FHIP1A: variants seen among roughly 807,000 people sequenced by gnomAD.
FHIP1A encodes the protein FHF complex subunit HOOK interacting protein 1A, also known as FHF complex subunit HOOK-interacting protein 1A.
Under a neutral mutation model 88.6 loss-of-function variants are expected in FHIP1A, and 61 were observed. The ratio of observed to expected loss-of-function variants is 0.69; its 90% CI spans 0.56 to 0.85. FHIP1A has a LOEUF of 0.85. Ranked by LOEUF, FHIP1A falls within the 40% of genes least tolerant of loss-of-function variation. FHIP1A has a pLI of 0.00. For missense variants in FHIP1A, 1,154 were observed against 1,273.5 expected (o/e 0.91, Z 1.43); for synonymous variants, 478 against 496.0 (o/e 0.96, Z 0.48).
chr4:151,450,850 T>A (rs545821643), intron 1 of FHIP1A, among the ~76,000 whole-genome samples: 1 of 152,068 alleles, frequency 6.6e-6, no homozygotes, highest in African/African-American at 2.4e-5. Context: ...TAATCTCAGC[T>A]CACTGCAACT....
chr4:151,515,803 T>TA (rs1285535110), intron 3 of FHIP1A, among the ~76,000 whole-genome samples: 2 of 151,778 alleles, frequency 1.3e-5, no homozygotes, highest in African/African-American at 2.4e-5. Context: ...TAAAAGAGGA[T>TA]ACAAACAAAT....
chr4:151,591,140 A>T lies in FHIP1A; in HGVS notation c.978+2214A>T, dbSNP rs527830265. On this transcript the variant is annotated intron_variant, in intron 7 of 13. Transcript: ENST00000435205. ...GGATGAATAGGGTTAGGGACGGAGC[A>T]GGCCAGGGAAGGAGAACAGCCTCTC... Among the ~76,000 whole-genome samples, 5 of 151,218 alleles carry T rather than the reference A, an allele frequency of 3.3e-5. No homozygotes were observed. In the South Asian group the frequency reaches 8.4e-4, roughly 25 times the overall value.
At position 151,664,503 on chromosome 4, in the gene FHIP1A, T is replaced by C. The variant is rs1737590878; in HGVS notation, c.*1749T>C. On this transcript the variant is annotated 3_prime_UTR_variant, in exon 14 of 14. Coordinates refer to ENST00000435205, the MANE Select transcript of FHIP1A (RefSeq NM_001109977.3). ...CAAGACACCAAAGATTCCTACTCAC[T>C]GTACATTTCTGTTTGTCTTGACAAA... Among the ~76,000 whole-genome samples the C allele has an allele frequency of 6.6e-6, 1 of 152,222 alleles. No homozygotes were observed. The highest frequency in any genetic ancestry group is 1.5e-5 in the Non-Finnish European group (1 of 68,034).
chr4:151,598,241 G>A (rs556488098), intron 7 of FHIP1A, among the ~76,000 whole-genome samples: 1 of 152,146 alleles, frequency 6.6e-6, no homozygotes, highest in Non-Finnish European at 1.5e-5. Flanking sequence ...GGAATGCACT[G>A]TTCCTCACGG....
At chr4:151,636,357 A>G (rs146425354) in intron 8 of FHIP1A, among the ~76,000 whole-genome samples, 1 of 152,126 alleles carries the variant, frequency 6.6e-6, no homozygotes, top group East Asian at 1.9e-4. Flanking sequence ...GATAAGGAAG[A>G]AGGTAAGATA....
At chr4:151,592,151 T>C (rs1276257836) in intron 7 of FHIP1A, among the ~76,000 whole-genome samples, 3 of 152,172 alleles carry the variant, frequency 2.0e-5, no homozygotes, top group African/African-American at 7.2e-5. Context: ...TTTTTTTTTT[T>C]TGAGACGGAG....
chr4:151,579,090 T>A (rs779160587), intron 5 of FHIP1A, among the ~76,000 whole-genome samples: 1 of 152,090 alleles, frequency 6.6e-6, no homozygotes, highest in African/African-American at 2.4e-5. Flanking sequence ...CCCCTGAGCA[T>A]TGGGGCAGGG....
chr4:151,426,075 A>G (rs1733360450), intron 1 of FHIP1A, among the ~76,000 whole-genome samples: 2 of 152,124 alleles, frequency 1.3e-5, no homozygotes, highest in Admixed American at 1.3e-4. Context: ...CTTTAATATG[A>G]TACATGAGAT....
chr4:151,488,158 C>G (rs182287034), intron 3 of FHIP1A, among the ~76,000 whole-genome samples: 40 of 152,296 alleles, frequency 2.6e-4, no homozygotes, highest in African/African-American at 9.1e-4. Flanking sequence ...AGTGTAGCTC[C>G]TCCACAATCA....
At chr4:151,478,581 G>A (rs1200671606) in intron 2 of FHIP1A, among the ~76,000 whole-genome samples, 1 of 152,048 alleles carries the variant, frequency 6.6e-6, no homozygotes, top group East Asian at 1.9e-4. Context: ...TATGTTTCTT[G>A]GAGGTTATCA....
chr4:151,553,059 A>G (rs909403316), intron 3 of FHIP1A, among the ~76,000 whole-genome samples: 13 of 152,168 alleles, frequency 8.5e-5, no homozygotes, highest in Non-Finnish European at 1.9e-4. Flanking sequence ...CACATACAGG[A>G]ATGTGCTTTG....
chr4:151,528,423 G>GT (rs922553014), intron 3 of FHIP1A, among the ~76,000 whole-genome samples: 12 of 152,270 alleles, frequency 7.9e-5, no homozygotes, highest in African/African-American at 2.9e-4. Context: ...TCGAAATATA[G>GT]AACTCATTTA....
At chr4:151,476,436 A>G (rs1729709061) in intron 2 of FHIP1A, among the ~76,000 whole-genome samples, 1 of 152,176 alleles carries the variant, frequency 6.6e-6, no homozygotes. Context: ...GTTGTGAGCC[A>G]TTGCACCTGG....
chr4:151,656,963 C>G lies in FHIP1A; in HGVS notation c.2869+65C>G, dbSNP rs909696697. On this transcript the variant is annotated intron_variant, in intron 13 of 13. Coordinates refer to ENST00000435205, the MANE Select transcript of FHIP1A (RefSeq NM_001109977.3). The surrounding 1 kb of genome is among the most constrained non-coding windows in gnomAD (Gnocchi z 4.2). Reference sequence around the variant, plus strand: ...TCCTCCACGTCCCTGGCCTACTGGCCTCAGTTCACAGATGCTGCACTGGCT... The same window carrying G: ...TCCTCCACGTCCCTGGCCTACTGGCGTCAGTTCACAGATGCTGCACTGGCT... The G allele has an allele frequency of 6.8e-7, 1 of 1,468,528 alleles. No individual in the cohort carries two copies. The highest frequency in any genetic ancestry group is 2.3e-5 in the Admixed American group (1 of 43,026). 91.0% of individuals were successfully genotyped at this position (1,468,528 alleles called of 1,614,324 possible).
At chr4:151,467,516 C>T (rs1437869137) in intron 2 of FHIP1A, among the ~76,000 whole-genome samples, 1 of 152,304 alleles carries the variant, frequency 6.6e-6, no homozygotes, top group East Asian at 1.9e-4. Context: ...TGTAAAGATA[C>T]ATGCACACAT....
chr4:151,530,911 A>G (rs1420848853), intron 3 of FHIP1A, among the ~76,000 whole-genome samples: 3 of 148,582 alleles, frequency 2.0e-5, no homozygotes, highest in South Asian at 2.2e-4. Flanking sequence ...TAATATTATT[A>G]TAATAATAAT....
rs1489881691 is a variant in FHIP1A at position 151,665,064 on chromosome 4, T to C, written c.*2310T>C. ...ATCACAGCTCATTGTAGCCTCAACC[T>C]CCTGGGCTCAAGTGATCCTCCCACC... is the stretch of plus-strand genomic sequence containing the variant. On this transcript the variant is annotated 3_prime_UTR_variant, in exon 14 of 14. Transcript: ENST00000435205. Among the ~76,000 whole-genome samples the C allele has an allele frequency of 1.3e-5, 2 of 152,200 alleles. No homozygotes were observed. The highest frequency in any genetic ancestry group is 4.8e-5 in the African/African-American group (2 of 41,454).
chr4:151,579,029 G>A (rs1246586679), intron 5 of FHIP1A, among the ~76,000 whole-genome samples: 1 of 152,148 alleles, frequency 6.6e-6, no homozygotes, highest in Non-Finnish European at 1.5e-5. Flanking sequence ...CCAACTATAC[G>A]ACATTCTGGA....
intron 7 of FHIP1A, among the ~76,000 whole-genome samples, chr4:151,594,155 C>T (rs974526403): frequency 4.0e-5 from 6 of 151,626 alleles, no homozygotes; most frequent in Admixed American, 2.0e-4. Flanking sequence ...CTCCTGGATT[C>T]GGCATTGCCA....
Sources: allele counts gnomAD v4.1 joint callset (sites outside exome capture counted in the v4.1 genomes callset), GRCh38; gene constraint gnomAD v4.1.1; non-coding constraint Gnocchi (gnomAD v3.1); transcripts MANE v1.5; gene names NCBI Gene and HGNC (gene_info 2026-07-23, HGNC 2026-07-21).